RIMS1: variants seen among roughly 807,000 people sequenced by gnomAD.
The protein encoded by RIMS1 is regulating synaptic membrane exocytosis protein 1.
RIMS1 carries 83 observed loss-of-function variants against 214.1 expected under a neutral mutation model. The ratio of observed to expected loss-of-function variants is 0.39; its 90% CI spans 0.32 to 0.47. RIMS1 has a LOEUF of 0.47. RIMS1 is among the 20% of genes least tolerant of loss of function. The pLI, the probability that RIMS1 is intolerant of heterozygous loss-of-function variation, is 0.99. For synonymous variants in RIMS1, 793 were observed against 786.8 expected (o/e 1.01, Z -0.13); for missense variants, 2,050 against 2,161.8 (o/e 0.95, Z 1.03).
chr6:71,974,586 G>A (rs1796696133), intron 2 of RIMS1, among the ~76,000 whole-genome samples: 2 of 152,070 alleles, frequency 1.3e-5, no homozygotes, highest in South Asian at 4.1e-4. Context: ...AGAGGCAGGA[G>A]GTAGAGAAGA....
chr6:71,958,624 G>C (rs1444874319), intron 1 of RIMS1, among the ~76,000 whole-genome samples: 1 of 152,058 alleles, frequency 6.6e-6, no homozygotes, highest in African/African-American at 2.4e-5. Context: ...ACCTGACTTA[G>C]GAAATAAGAT....
At chr6:71,976,555 T>G (rs76927149) in intron 2 of RIMS1, among the ~76,000 whole-genome samples, 2,488 of 152,192 alleles carry the variant, frequency 0.016, 80 homozygotes, top group African/African-American at 0.055. Flanking sequence ...GTCTTTTCAT[T>G]TTCTTGATAG....
intron 6 of RIMS1, among the ~76,000 whole-genome samples, chr6:72,190,281 T>A (rs1289450684): frequency 6.6e-6 from 1 of 151,854 alleles, no homozygotes; most frequent in Non-Finnish European, 1.5e-5. Flanking sequence ...CTGACCAACA[T>A]GGAGAAACCC....
chr6:72,027,779 G>C (rs1195924976), intron 2 of RIMS1, among the ~76,000 whole-genome samples: 1 of 151,718 alleles, frequency 6.6e-6, no homozygotes, highest in Non-Finnish European at 1.5e-5. Flanking sequence ...TTTTTTAATG[G>C]GAGTATAGGA....
At chr6:71,981,817 T>A (rs1009231431) in intron 2 of RIMS1, among the ~76,000 whole-genome samples, 1 of 152,126 alleles carries the variant, frequency 6.6e-6, no homozygotes, top group Non-Finnish European at 1.5e-5. Flanking sequence ...TTTTCATTTC[T>A]TTTGCCTTGT....
In RIMS1 at chr6:72,250,370, T is replaced by C. The variant is rs774559405; in HGVS notation, c.2282T>C (p.Val761Ala). The C allele has an allele frequency of 5.0e-6, 8 of 1,610,410 alleles. No individual in the cohort carries two copies. The highest frequency in any genetic ancestry group is 4.2e-6 in the Non-Finnish European group (5 of 1,177,976). The change falls in exon 13 of 34, where the codon GTA (valine) becomes GCA (alanine). Residue 761 changes from valine (V) to alanine (A), a missense_variant. By Grantham distance (64) the Val-to-Ala change is moderately conservative. This residue lies in a region of RIMS1 where 889 missense variants were observed against 885.5 expected (regional missense o/e 1.00). Transcript: ENST00000521978. ...WYDKVGHQLIVNVLQATDLPA... is the reference protein window; with the variant it reads ...WYDKVGHQLIANVLQATDLPA... ...GATAAAGTGGGACACCAGCTGATTG[T>C]AAATGTTCTGCAAGCAACAGATCTA... is the stretch of plus-strand genomic sequence containing the variant.
chr6:72,190,532 G>A (rs904439660), intron 6 of RIMS1, among the ~76,000 whole-genome samples: 2 of 150,934 alleles, frequency 1.3e-5, no homozygotes, highest in African/African-American at 4.9e-5. Flanking sequence ...TGCTGGAGCT[G>A]TCCGCCTTCA....
intron 1 of RIMS1, among the ~76,000 whole-genome samples, chr6:71,933,273 A>G (rs902151721): frequency 2.0e-5 from 3 of 152,092 alleles, no homozygotes; most frequent in Non-Finnish European, 2.9e-5. Flanking sequence ...CATGTACCCT[A>G]GTAGGTTTGT....
chr6:72,359,306 G>A (rs2097750541), intron 29 of RIMS1, among the ~76,000 whole-genome samples: 1 of 152,122 alleles, frequency 6.6e-6, no homozygotes, highest in African/African-American at 2.4e-5. Context: ...AATGACCACT[G>A]GGGAGATTAG....
Position 72,176,742 on chromosome 6 carries a change from A to AG in RIMS1, c.472-2833_472-2832insG, listed in dbSNP as rs1173595306. ...TTTACTAAATGTTAAAAACAAAAAAATTAACAAAGCATCACAGACTTAAAT... is the reference window on the plus strand; with the variant it reads ...TTTACTAAATGTTAAAAACAAAAAAAGTTAACAAAGCATCACAGACTTAAAT... On this transcript the variant is annotated intron_variant, in intron 4 of 33. Transcript: ENST00000521978. Among the ~76,000 whole-genome samples the AG allele has an allele frequency of 3.9e-4, 59 of 152,324 alleles. 1 individual carries two copies. Among genetic ancestry groups the AG allele is most frequent in the African/African-American group, 1.4e-3 (59 of 41,584 alleles).
rs537898210 is a variant in RIMS1, at chr6:72,357,954, C to T, written c.4366+24119C>T. Among the ~76,000 whole-genome samples the T allele has an allele frequency of 1.0e-3, 153 of 152,244 alleles. 1 individual carries two copies. The highest frequency in any genetic ancestry group is 3.3e-3 in the African/African-American group (138 of 41,546). On this transcript the variant is annotated intron_variant, in intron 29 of 33. Coordinates refer to ENST00000521978, the MANE Select transcript of RIMS1 (RefSeq NM_014989.7). ...AAAATAGCAGTTTCTGAGTGATGCT[C>T]AACGTCTTTACATTTCACTTTTATG...
At chr6:71,905,275 T>A (rs1469984252) in intron 1 of RIMS1, among the ~76,000 whole-genome samples, 1 of 152,076 alleles carries the variant, frequency 6.6e-6, no homozygotes, top group Non-Finnish European at 1.5e-5. Context: ...GTGTTTTTGT[T>A]AGAAAAATTA....
chr6:72,199,220 G>A (rs776965993), intron 6 of RIMS1, among the ~76,000 whole-genome samples: 21 of 152,028 alleles, frequency 1.4e-4, no homozygotes, highest in Admixed American at 4.6e-4. Context: ...ATAAAAAGGG[G>A]CAATTAAAAA....
intron 29 of RIMS1, among the ~76,000 whole-genome samples, chr6:72,347,262 G>C (rs761070831): frequency 6.6e-6 from 1 of 151,808 alleles, no homozygotes; most frequent in Admixed American, 6.6e-5. Context: ...TCCCAGTTGG[G>C]GGCTCAAGGA....
chr6:72,290,561 CTCT>C (rs1352945985), intron 24 of RIMS1, 115 bp from the exon 25 acceptor site: 18 of 792,810 alleles, frequency 2.3e-5, no homozygotes, highest in Non-Finnish European at 5.9e-6. Flanking sequence ...GTGATGGGTT[CTCT>C]TCTTTGAAAT....
intron 2 of RIMS1, among the ~76,000 whole-genome samples, chr6:72,007,401 C>G (rs1273285749): frequency 6.6e-6 from 1 of 152,194 alleles, no homozygotes; most frequent in African/African-American, 2.4e-5. Context: ...ACTGAAAATT[C>G]TAAAACTCAG....
chr6:72,216,707 G>A (rs2056204606), intron 6 of RIMS1: 4 of 985,164 alleles, frequency 4.1e-6, no homozygotes, highest in Non-Finnish European at 4.8e-6. Context: ...ATCCCAGTGA[G>A]TGTCAGTGGG....
rs573876945 is a variant in RIMS1 at position 72,260,226 on chromosome 6, A to G, written c.3054-479A>G. Among the ~76,000 whole-genome samples, 4 of 152,274 alleles carry G rather than the reference A, an allele frequency of 2.6e-5. No homozygotes were observed. In the East Asian group the frequency reaches 5.8e-4, roughly 22 times the overall value. ...AATTGTAAAATAAAAATTCTAATCA[A>G]TTATATTGTTAGTTGGTTAATAAGA... On this transcript the variant is annotated intron_variant, in intron 18 of 33. Coordinates refer to ENST00000521978, the MANE Select transcript of RIMS1 (RefSeq NM_014989.7).
chr6:71,942,526 T>G (rs1786482093), intron 1 of RIMS1, among the ~76,000 whole-genome samples: 1 of 152,212 alleles, frequency 6.6e-6, no homozygotes, highest in Non-Finnish European at 1.5e-5. Context: ...CAGCATATTT[T>G]ATGTACATTA....
Sources: gnomAD v4.1 joint callset for allele counts (sites outside exome capture counted in the v4.1 genomes callset) on GRCh38, gnomAD v4.1.1 for gene constraint, gnomAD v4.1.1 regional missense constraint, MANE v1.5 for transcripts, NCBI Gene and HGNC (gene_info 2026-07-23, HGNC 2026-07-21) for gene names.